Variants in ARB2A observed in about 807,000 individuals in gnomAD.
ARB2A encodes ARB2 cotranscriptional regulator A.
the ARB2A span, among the ~76,000 whole-genome samples, chr5:94,009,386 CT>C: frequency 6.6e-6 from 1 of 151,950 alleles, no homozygotes; most frequent in Non-Finnish European, 1.5e-5. Flanking sequence ...TGTGAATTTG[CT>C]ACTCAAAGTT....
chr5:93,810,931 T>C, the ARB2A span, among the ~76,000 whole-genome samples: 2 of 152,232 alleles, frequency 1.3e-5, no homozygotes, highest in East Asian at 1.9e-4. Context: ...TTTCCTCATA[T>C]GTAAACTGAG....
chr5:93,879,078 C>T, the ARB2A span, among the ~76,000 whole-genome samples: 3 of 152,128 alleles, frequency 2.0e-5, no homozygotes, highest in African/African-American at 7.2e-5. Flanking sequence ...TAGTTTAGTT[C>T]CATCATATAA....
At chr5:93,691,889 G>T in the ARB2A span, among the ~76,000 whole-genome samples, 1 of 152,124 alleles carries the variant, frequency 6.6e-6, no homozygotes, top group Non-Finnish European at 1.5e-5. Context: ...TTAAATGAAA[G>T]AATTTTCAAC....
chr5:93,939,249 T>C, the ARB2A span, among the ~76,000 whole-genome samples: 2 of 152,154 alleles, frequency 1.3e-5, no homozygotes, highest in African/African-American at 4.8e-5. Flanking sequence ...GGCATGTACA[T>C]CTGTGTATAT....
the ARB2A span, among the ~76,000 whole-genome samples, chr5:93,937,983 G>C: frequency 6.6e-6 from 1 of 152,088 alleles, no homozygotes; most frequent in Non-Finnish European, 1.5e-5. Context: ...ACCTATGGTT[G>C]GAAGAATCCA....
the ARB2A span, among the ~76,000 whole-genome samples, chr5:93,875,286 C>T: frequency 6.6e-6 from 1 of 151,980 alleles, no homozygotes; most frequent in Non-Finnish European, 1.5e-5. Context: ...GGGTGGAGCA[C>T]AGTGGCGTGA....
chr5:94,083,837 CAAG>C, the ARB2A span, among the ~76,000 whole-genome samples: 6 of 142,026 alleles, frequency 4.2e-5, no homozygotes, highest in Non-Finnish European at 7.8e-5. Context: ...AAAAAAAAAA[CAAG>C]AATCTCTGTA....
the ARB2A span, among the ~76,000 whole-genome samples, chr5:93,852,301 G>A: frequency 5.3e-5 from 8 of 151,978 alleles, no homozygotes; most frequent in Non-Finnish European, 7.4e-5. Flanking sequence ...TGATGGGGTT[G>A]TTTGTTTTTT....
the ARB2A span, among the ~76,000 whole-genome samples, chr5:93,650,377 T>C: frequency 6.6e-6 from 1 of 152,102 alleles, no homozygotes. Context: ...AAAGAAAAAT[T>C]CACTGGATGG....
chr5:93,845,091 T>C, the ARB2A span, among the ~76,000 whole-genome samples: 2 of 152,206 alleles, frequency 1.3e-5, no homozygotes. Flanking sequence ...GAAAAGCTGT[T>C]TTTCAAAACT....
At chr5:93,937,095 G>T in the ARB2A span, among the ~76,000 whole-genome samples, 1 of 151,568 alleles carries the variant, frequency 6.6e-6, no homozygotes, top group South Asian at 2.1e-4. Context: ...GGATGGTCTC[G>T]ATCTCCTGAC....
chr5:93,740,036 G>C, the ARB2A span: 1 of 151,844 alleles, frequency 6.6e-6, no homozygotes, highest in African/African-American at 2.4e-5. Context: ...GAAAGCTCAG[G>C]TGTTTCAGCA....
chr5:94,101,999 C>A, the ARB2A span, among the ~76,000 whole-genome samples: 7 of 151,480 alleles, frequency 4.6e-5, no homozygotes, highest in African/African-American at 1.7e-4. Flanking sequence ...AAGCCCTCCC[C>A]GTCATAGTGT....
the ARB2A span, chr5:93,881,611 T>C: frequency 1.9e-6 from 3 of 1,609,672 alleles, no homozygotes; most frequent in Non-Finnish European, 2.5e-6. Context: ...TATCAGATGA[T>C]GACTGTACGT....
the ARB2A span, among the ~76,000 whole-genome samples, chr5:94,037,557 T>A: frequency 6.6e-6 from 1 of 152,158 alleles, no homozygotes; most frequent in South Asian, 2.1e-4. Flanking sequence ...TAATATCGCA[T>A]CTACCCACAT....
the ARB2A span, among the ~76,000 whole-genome samples, chr5:93,868,538 C>A: frequency 6.6e-6 from 1 of 152,076 alleles, no homozygotes; most frequent in African/African-American, 2.4e-5. Context: ...GACTACCAGG[C>A]AAAGTTACCT....
chr5:93,676,703 G>C, the ARB2A span, among the ~76,000 whole-genome samples: 1 of 152,108 alleles, frequency 6.6e-6, no homozygotes, highest in Non-Finnish European at 1.5e-5. Flanking sequence ...TTAAAAATCT[G>C]AAATTATTCT....
chr5:93,621,225 C>G, the ARB2A span: 1 of 1,161,830 alleles, frequency 8.6e-7, no homozygotes, highest in East Asian at 3.3e-5. Context: ...TCCCGACCAC[C>G]CGGTCCCGCC....
At chr5:93,851,171 G>T in the ARB2A span, among the ~76,000 whole-genome samples, 1 of 152,088 alleles carries the variant, frequency 6.6e-6, no homozygotes, top group African/African-American at 2.4e-5. Context: ...TTATTAAAAC[G>T]AGTGAAAATG....
Sources: gnomAD v4.1 joint callset for allele counts (sites outside exome capture counted in the v4.1 genomes callset) on GRCh38, gnomAD v4.1.1 for gene constraint, MANE v1.5 for transcripts, NCBI Gene and HGNC (gene_info 2026-07-23, HGNC 2026-07-21) for gene names.